Variants in ABCC5 observed in about 807,000 individuals in gnomAD.
ABCC5 encodes ATP binding cassette subfamily C member 5.
ABCC5 carries 61 observed loss-of-function variants against 160.9 expected under a neutral mutation model. That is an observed-to-expected ratio of 0.38 (90% confidence interval 0.31 to 0.47). The LOEUF is 0.47. ABCC5 is among the 20% of genes least tolerant of loss of function. The probability of loss-of-function intolerance (pLI) is 0.99; values close to 1 mark genes in which losing one functional copy is unlikely to be tolerated. For missense variants in ABCC5, 1,308 were observed against 1,813.3 expected (o/e 0.72, Z 5.06); for synonymous variants, 666 against 700.6 (o/e 0.95, Z 0.78).
At chr3:183,971,350 T>C (rs869417) in intron 11 of ABCC5, among the ~76,000 whole-genome samples, 94,861 of 152,110 alleles carry the variant, frequency 0.62, 30,472 homozygotes, top group East Asian at 0.86. Context: ...GCTTATAAAA[T>C]GATCACCTCA....
At chr3:183,983,888 A>G (rs1369903778) in intron 5 of ABCC5, 1 of 985,508 alleles carries the variant, frequency 1.0e-6, no homozygotes, top group Non-Finnish European at 1.2e-6. Flanking sequence ...GTTATACAGG[A>G]CTAGCCATCT....
chr3:183,991,421 TG>T (rs1297080111), intron 2 of ABCC5, among the ~76,000 whole-genome samples: 1 of 152,202 alleles, frequency 6.6e-6, no homozygotes, highest in Non-Finnish European at 1.5e-5. Flanking sequence ...ACAAAGCAGT[TG>T]ATTTTTATAC....
chr3:184,003,651 G>A (rs753631166), intron 2 of ABCC5, among the ~76,000 whole-genome samples: 2 of 152,160 alleles, frequency 1.3e-5, no homozygotes, highest in African/African-American at 2.4e-5. Flanking sequence ...CTCTCAAGCC[G>A]ATGATCAGCT....
intron 17 of ABCC5, among the ~76,000 whole-genome samples, chr3:183,956,711 A>C (rs113849489): frequency 1.4e-3 from 49 of 34,260 alleles, no homozygotes; most frequent in Admixed American, 1.6e-3. Flanking sequence ...TATATCATAT[A>C]GGTTACATGC....
intron 17 of ABCC5, among the ~76,000 whole-genome samples, chr3:183,957,870 ATG>A (rs1339792727): frequency 8.4e-6 from 1 of 119,436 alleles, no homozygotes; most frequent in African/African-American, 3.1e-5. Context: ...CATCTGTTAC[ATG>A]CGGATCCGTG....
intron 29 of ABCC5, 50 bp downstream of exon 29, chr3:183,925,505 C>A: frequency 6.3e-7 from 1 of 1,599,236 alleles, no homozygotes; most frequent in Non-Finnish European, 8.5e-7. Flanking sequence ...CTGCCAGGGG[C>A]CAGTTTCCTC....
At chr3:183,937,761 G>T (rs1299384703) in intron 26 of ABCC5, 140 bp downstream of exon 26, 16 of 913,002 alleles carry the variant, frequency 1.8e-5, no homozygotes, top group Non-Finnish European at 2.6e-5. Context: ...GCACCAGCAA[G>T]CACATGGTGC....
chr3:184,001,736 G>A (rs1720760926), intron 2 of ABCC5, among the ~76,000 whole-genome samples: 1 of 152,196 alleles, frequency 6.6e-6, no homozygotes, highest in Non-Finnish European at 1.5e-5. Flanking sequence ...GGCTGACCTA[G>A]AGGAATGTAT....
At chr3:184,003,167 C>T (rs1372107849) in intron 2 of ABCC5, among the ~76,000 whole-genome samples, 2 of 152,112 alleles carry the variant, frequency 1.3e-5, no homozygotes, top group South Asian at 4.1e-4. Context: ...TTAAGGGGAA[C>T]TGTTGTGCCA....
At chr3:184,011,443 G>A (rs775265644) in intron 2 of ABCC5, 2 of 152,302 alleles carry the variant, frequency 1.3e-5, no homozygotes, top group Non-Finnish European at 2.9e-5. Context: ...CTGGATCATT[G>A]CTGGTGGGAA....
chr3:183,980,716 T>TTTG lies in ABCC5; in HGVS notation c.1147+1010_1147+1011insCAA, dbSNP rs1422694282. 2.1e-3 allele frequency among the ~76,000 whole-genome samples: 185 copies of TTTG among 87,090 alleles called. 2 individuals are homozygous for TTTG. Among genetic ancestry groups the TTTG allele is most frequent in the African/African-American group, 9.1e-3 (175 of 19,326 alleles). The allele number at this position is 87,090 out of a possible 152,430, so 57.1% of individuals were successfully genotyped here. A position where few individuals can be genotyped will look rare whatever the true frequency, so the allele number is the denominator to read the frequency against. On this transcript the variant is annotated intron_variant, in intron 8 of 29. Transcript: ENST00000334444. ...TGCCTTGCTCTGAACACTGTTTTGT[T>TTTG]TTTTTTTTTTTTTTTTGAGACAGTC...
chr3:183,951,980 G>A lies in ABCC5; in HGVS notation c.2691C>T (p.Asn897=), dbSNP rs775208607. The A allele has an allele frequency of 9.3e-6, 15 of 1,611,844 alleles. No homozygotes were observed. The highest frequency in any genetic ancestry group is 3.3e-5 in the South Asian group (3 of 91,046). ...TCATGCTGTCACTCACCGAGGTCTC[G>A]TTCCCTCGAGTCACAGTGGTGTTCT... ...GSGNTTVTRG[N]ETSVSDSMKD... Residue 897 remains asparagine (N), a synonymous_variant, in exon 19 of 30, where the codon AAC becomes AAT. Coordinates refer to ENST00000334444, the MANE Select transcript of ABCC5 (RefSeq NM_005688.4). The surrounding 1 kb of genome is among the most constrained non-coding windows in gnomAD (Gnocchi z 4.7).
chr3:184,010,797 TC>T (rs1383332908), intron 2 of ABCC5, among the ~76,000 whole-genome samples: 5 of 102,964 alleles, frequency 4.9e-5, no homozygotes, highest in East Asian at 4.8e-4. Context: ...TCATTCTTCT[TC>T]TTTTTTTTTT....
chr3:183,951,296 G>T lies in ABCC5; in HGVS notation c.2944+145C>A. On this transcript the variant is annotated intron_variant, in intron 20 of 29. Coordinates refer to ENST00000334444, the MANE Select transcript of ABCC5 (RefSeq NM_005688.4). The surrounding 1 kb of genome is among the most constrained non-coding windows in gnomAD (Gnocchi z 4.7). ...CAGGTCAAACAAGACAGAAAATGCA[G>T]TTGCAATGTTCCTGGTGAAAACACC... 9.4e-7 allele frequency: 1 copy of T among 1,066,604 alleles called. No individual in the cohort carries two copies. Among genetic ancestry groups the T allele is most frequent in the Non-Finnish European group, 1.3e-6 (1 of 759,878 alleles). The allele number at this position is 1,066,604 out of a possible 1,614,324, so 66.1% of individuals were successfully genotyped here. A position where few individuals can be genotyped will look rare whatever the true frequency, so the allele number is the denominator to read the frequency against.
chr3:183,989,274 T>C lies in ABCC5; in HGVS notation c.239A>G (p.Lys80Arg), dbSNP rs750000167. 3 of 1,613,952 alleles carry C rather than the reference T, an allele frequency of 1.9e-6. No homozygotes were observed. The South Asian group carries it at 3.3e-5, about 18-fold the overall frequency. Reference protein sequence around the residue: ...RILDEEHPKGKYHHGLSALKP... With the variant: ...RILDEEHPKGRYHHGLSALKP... ...CAGAGCACTCAAGCCATGATGGTAC[T>C]TTCCCTTGGGATGCTCCTCATCCAG... Residue 80 changes from lysine to arginine, a missense_variant, in exon 3 of 30, where the codon AAG becomes AGG. Coordinates refer to ENST00000334444, the MANE Select transcript of ABCC5 (RefSeq NM_005688.4).
chr3:183,934,591 T>A (rs1351665183), intron 26 of ABCC5, among the ~76,000 whole-genome samples: 1 of 152,210 alleles, frequency 6.6e-6, no homozygotes, highest in Non-Finnish European at 1.5e-5. Flanking sequence ...TGGAGACAAA[T>A]GGTTCCAATT....
At chr3:183,942,329 C>T (rs548400178) in intron 25 of ABCC5, 26 of 454,930 alleles carry the variant, frequency 5.7e-5, no homozygotes, top group African/African-American at 3.0e-4. Flanking sequence ...CCACTGCGCC[C>T]AGCCTACTGA....
intron 12 of ABCC5, among the ~76,000 whole-genome samples, chr3:183,966,594 C>G (rs1016950073): frequency 1.3e-5 from 2 of 152,120 alleles, no homozygotes; most frequent in African/African-American, 4.8e-5. Context: ...TTCTTTCCTT[C>G]TCCCCCTCCC....
At chr3:183,981,412 C>T (rs1158429077) in intron 8 of ABCC5, among the ~76,000 whole-genome samples, 2 of 152,150 alleles carry the variant, frequency 1.3e-5, no homozygotes, top group African/African-American at 4.8e-5. Context: ...AGCCTCATGA[C>T]CAGGCTGGAA....
Sources: gnomAD v4.1 joint callset for allele counts (sites outside exome capture counted in the v4.1 genomes callset) on GRCh38, gnomAD v4.1.1 for gene constraint, Gnocchi (gnomAD v3.1) non-coding constraint, MANE v1.5 for transcripts, NCBI Gene and HGNC (gene_info 2026-07-23, HGNC 2026-07-21) for gene names.